The following PDCL3 variants were observed in gnomAD, a reference collection of about 807,000 sequenced individuals.
PDCL3 encodes the protein phosducin-like protein 3.
A neutral mutation model predicts 26.5 loss-of-function variants in PDCL3; 22 were observed. That is an observed-to-expected ratio of 0.83 (90% CI 0.59 to 1.19). The LOEUF is 1.19. Among genes scored for constraint, PDCL3 ranks in the 50% most tolerant of loss-of-function variants. The pLI is 0.00. For missense variants in PDCL3, 246 were observed against 294.1 expected (o/e 0.84, Z 1.20); for synonymous variants, 81 against 104.9 (o/e 0.77, Z 1.39).
At chr2:100,563,312 A>T (rs1674990793) in intron 1 of PDCL3, 1 of 486,758 alleles carries the variant, frequency 2.1e-6, no homozygotes, top group East Asian at 3.6e-5. Context: ...GTCCTCCGGG[A>T]CTATGTCTTC....
At chr2:100,564,040 T>C (rs1675012067) in intron 1 of PDCL3, among the ~76,000 whole-genome samples, 1 of 150,472 alleles carries the variant, frequency 6.6e-6, no homozygotes, top group African/African-American at 2.5e-5. Context: ...GCCTCCGGAG[T>C]AGCTGGGACC....
rs577613459 is a variant in PDCL3 at position 100,565,465 on chromosome 2, G to C, written c.7-1038G>C. On this transcript the variant is annotated intron_variant, in intron 1 of 5. Transcript: ENST00000264254. ...AATTTTTTGTGTTTTTAGTAAAGAC[G>C]GGGTTTCATCATGTTAGCCAGGATG... Among the ~76,000 whole-genome samples the C allele has an allele frequency of 2.6e-3, 398 of 151,816 alleles. 2 individuals are homozygous for C. The highest frequency in any genetic ancestry group is 9.2e-3 in the African/African-American group (381 of 41,422).
At chr2:100,569,527 G>T (rs1558697124) in intron 3 of PDCL3, 51 bp from the exon 4 acceptor site, 13 of 1,594,578 alleles carry the variant, frequency 8.2e-6, no homozygotes, top group Non-Finnish European at 1.0e-5. Flanking sequence ...TAGACGATGT[G>T]TGTGTACACG....
chr2:100,565,965 A>G (rs985431267), intron 1 of PDCL3, among the ~76,000 whole-genome samples: 1 of 151,728 alleles, frequency 6.6e-6, no homozygotes, highest in Admixed American at 6.6e-5. Context: ...GTGCAGTGGC[A>G]CGATCTCGGC....
At chr2:100,568,393 C>CT (rs1223346820) in intron 2 of PDCL3, among the ~76,000 whole-genome samples, 2 of 128,150 alleles carry the variant, frequency 1.6e-5, no homozygotes, top group Admixed American at 1.5e-4. Context: ...AATCCCAGCA[C>CT]TTTGAGATGG....
At chr2:100,571,297 G>A (rs1675164873) in intron 4 of PDCL3, among the ~76,000 whole-genome samples, 1 of 151,898 alleles carries the variant, frequency 6.6e-6, no homozygotes, top group Non-Finnish European at 1.5e-5. Flanking sequence ...TCTTGGCCAG[G>A]CTGGTCTTGA....
At chr2:100,571,311 G>A (rs913380730) in intron 4 of PDCL3, among the ~76,000 whole-genome samples, 17 of 151,692 alleles carry the variant, frequency 1.1e-4, no homozygotes, top group African/African-American at 4.1e-4. Context: ...GTCTTGAACT[G>A]CTGACCTCAT....
chr2:100,563,622 CTTTTT>C (rs57393508), intron 1 of PDCL3: 2 of 143,644 alleles, frequency 1.4e-5, no homozygotes, highest in Admixed American at 6.9e-5. Flanking sequence ...CTGTTTCGTC[CTTTTT>C]TTTTTTTTTA....
intron 4 of PDCL3, among the ~76,000 whole-genome samples, chr2:100,571,253 T>C (rs938910401): frequency 6.6e-6 from 1 of 152,042 alleles, no homozygotes; most frequent in African/African-American, 2.4e-5. Context: ...TTCACCATCT[T>C]GGCCAGGCTG....
At chr2:100,573,493 G>T (rs1675218780) in intron 5 of PDCL3, among the ~76,000 whole-genome samples, 1 of 151,868 alleles carries the variant, frequency 6.6e-6, no homozygotes, top group Non-Finnish European at 1.5e-5. Flanking sequence ...GGCCAACATA[G>T]TGAAACCCTG....
chr2:100,574,327 C>G (rs1204902955), intron 5 of PDCL3, among the ~76,000 whole-genome samples: 1 of 150,422 alleles, frequency 6.6e-6, no homozygotes, highest in Admixed American at 6.7e-5. Flanking sequence ...ATTCTTGAGT[C>G]AGGAATCTGA....
At chr2:100,575,284 T>C (rs552908681) in intron 5 of PDCL3, among the ~76,000 whole-genome samples, 51 of 152,290 alleles carry the variant, frequency 3.3e-4, no homozygotes, top group Middle Eastern at 6.8e-3. Flanking sequence ...TACAGGCACC[T>C]GCCACCATGC....
intron 2 of PDCL3, among the ~76,000 whole-genome samples, chr2:100,568,199 A>G (rs1195244211): frequency 6.6e-6 from 1 of 152,188 alleles, no homozygotes; most frequent in Non-Finnish European, 1.5e-5. Flanking sequence ...TACATTAGAG[A>G]AGTCTGGGCT....
chr2:100,566,745 G>A, intron 2 of PDCL3, 116 bp downstream of exon 2: 1 of 1,469,620 alleles, frequency 6.8e-7, no homozygotes, highest in East Asian at 2.3e-5. Context: ...TGTGTCTGTG[G>A]GACCTCAGAC....
chr2:100,564,172 A>C (rs1264023445), intron 1 of PDCL3, among the ~76,000 whole-genome samples: 1 of 150,198 alleles, frequency 6.7e-6, no homozygotes, highest in Non-Finnish European at 1.5e-5. Flanking sequence ...TGGCCTAGAC[A>C]CTCTTAAATG....
At chr2:100,575,651 C>CT in intron 5 of PDCL3, among the ~76,000 whole-genome samples, 1 of 152,262 alleles carries the variant, frequency 6.6e-6, no homozygotes, top group Non-Finnish European at 1.5e-5. Flanking sequence ...GGAGCTGAGT[C>CT]TTCAGTTACT....
chr2:100,563,301 C>G, intron 1 of PDCL3: 1 of 497,782 alleles, frequency 2.0e-6, no homozygotes, highest in South Asian at 3.6e-5. Flanking sequence ...CCCCAAACCT[C>G]GTCCTCCGGG....
chr2:100,568,063 C>T (rs1001292867), intron 2 of PDCL3, among the ~76,000 whole-genome samples: 20 of 152,178 alleles, frequency 1.3e-4, no homozygotes, highest in Non-Finnish European at 2.2e-4. Context: ...GATCCGCCCA[C>T]CTCAGCCTCC....
At chr2:100,572,144 G>T (rs1675190708) in intron 5 of PDCL3, 2 of 256,960 alleles carry the variant, frequency 7.8e-6, no homozygotes, top group African/African-American at 2.3e-5. Context: ...AGACGTTAAT[G>T]TATGTATTTG....
Sources: allele counts gnomAD v4.1 joint callset (sites outside exome capture counted in the v4.1 genomes callset), GRCh38; gene constraint gnomAD v4.1.1; transcripts MANE v1.5; gene names NCBI Gene and HGNC (gene_info 2026-07-23, HGNC 2026-07-21).